Variants in SLC4A8 observed in about 807,000 individuals in gnomAD.
SLC4A8 encodes electroneutral sodium bicarbonate exchanger 1.
A neutral mutation model predicts 125.0 loss-of-function variants in SLC4A8; 40 were observed. That is an observed-to-expected ratio of 0.32 (90% CI 0.25 to 0.42). The LOEUF (loss-of-function observed/expected upper bound fraction) is 0.42, where lower values mean the gene tolerates loss of function less well. Ranked by LOEUF, SLC4A8 falls within the 10% of genes least tolerant of loss-of-function variation. The pLI is 1.00. For missense variants in SLC4A8, 863 were observed against 1,355.1 expected, an observed-to-expected ratio of 0.64 and a Z score of 5.70; for synonymous variants, 456 against 476.0, an observed-to-expected ratio of 0.96 and a Z score of 0.55.
At chr12:51,486,309 A>G (rs74583309) in intron 17 of SLC4A8, among the ~76,000 whole-genome samples, 7,217 of 152,200 alleles carry the variant, frequency 0.047, 277 homozygotes, top group South Asian at 0.1. Flanking sequence ...GAAGAATGAA[A>G]AAGGTAAAGG....
intron 1 of SLC4A8, among the ~76,000 whole-genome samples, chr12:51,431,051 A>C (rs1949170242): frequency 6.6e-6 from 1 of 152,112 alleles, no homozygotes; most frequent in Non-Finnish European, 1.5e-5. Flanking sequence ...GTTCTGGGAG[A>C]GGATCTGTTT....
rs1948930510 is a variant in SLC4A8, at chr12:51,425,281, G to A, written c.48+246G>A. 2.3e-6 allele frequency: 3 copies of A among 1,299,662 alleles called. No individual in the cohort carries two copies. In the African/African-American group the frequency reaches 4.7e-5, roughly 20 times the overall value. The allele number at this position is 1,299,662 out of a possible 1,614,324, so 80.5% of individuals were successfully genotyped here. ...CTCTGCCGCATCCCTTGCGCCGCCC[G>A]CCCAGGAGCCCTGACAGCCGGCGGG... is the stretch of plus-strand genomic sequence containing the variant. On this transcript the variant is annotated intron_variant, in intron 1 of 24. Coordinates refer to ENST00000453097, the MANE Select transcript of SLC4A8 (RefSeq NM_001039960.3).
chr12:51,400,772 A>G (rs1439346226), intron 1 of SLC4A8, among the ~76,000 whole-genome samples: 1,875 of 4,880 alleles, frequency 0.38, 279 homozygotes, highest in Non-Finnish European at 0.43. Flanking sequence ...ATATATATAT[A>G]TATATACATA....
intron 2 of SLC4A8, among the ~76,000 whole-genome samples, chr12:51,446,848 A>G (rs1205484819): frequency 6.6e-6 from 1 of 152,260 alleles, no homozygotes; most frequent in Admixed American, 6.5e-5. Context: ...TTATGGAACA[A>G]TGACCATGTG....
intron 21 of SLC4A8, among the ~76,000 whole-genome samples, chr12:51,495,660 T>C (rs1294736392): frequency 6.6e-6 from 1 of 151,826 alleles, no homozygotes; most frequent in Non-Finnish European, 1.5e-5. Flanking sequence ...TGTATTTTTT[T>C]TAGTAGAGAC....
chr12:51,474,416 C>A lies in SLC4A8; in HGVS notation c.1979C>A (p.Ala660Glu). 1.2e-6 allele frequency: 2 copies of A among 1,613,686 alleles called. No homozygotes were observed. The highest frequency in any genetic ancestry group is 1.7e-6 in the Non-Finnish European group (2 of 1,179,650). The change falls in exon 15 of 25, where the codon GCA (alanine) becomes GAA (glutamate). Residue 660 changes from alanine (A) to glutamate (E), a missense_variant. By Grantham distance (107) the Ala-to-Glu change is moderately radical. Around this residue, in one of 6 missense-constraint regions of SLC4A8, gnomAD observed 76 missense variants for 80.2 expected, o/e 0.95. Transcript: ENST00000453097. ...QYWKDHNIVT[A>E]EVHWANLTVS... ...TGGAAGGACCACAACATCGTGACAG[C>A]AGAAGTCCACTGGGCTAACCTGACT...
intron 1 of SLC4A8, among the ~76,000 whole-genome samples, chr12:51,399,026 G>A (rs1414677549): frequency 1.3e-5 from 2 of 152,190 alleles, no homozygotes; most frequent in African/African-American, 4.8e-5. Flanking sequence ...TGGGATTACA[G>A]GCGTGAGCCA....
chr12:51,500,695 C>CT (rs146022498), intron 22 of SLC4A8, among the ~76,000 whole-genome samples: 10,877 of 150,172 alleles, frequency 0.072, 501 homozygotes, highest in East Asian at 0.21. Flanking sequence ...ATTTTCTTTT[C>CT]TTTTTTTTTG....
intron 16 of SLC4A8, among the ~76,000 whole-genome samples, chr12:51,482,291 AAAT>A (rs1302417303): frequency 6.6e-6 from 1 of 151,918 alleles, no homozygotes; most frequent in Non-Finnish European, 1.5e-5. Context: ...CGATTAAATA[AAAT>A]AATAATTTGA....
intron 1 of SLC4A8, among the ~76,000 whole-genome samples, chr12:51,418,015 A>G (rs1316536676): frequency 6.6e-6 from 1 of 152,226 alleles, no homozygotes; most frequent in Admixed American, 6.5e-5. Flanking sequence ...CTGGAATTAT[A>G]AGGGTGCAAG....
In SLC4A8 at chr12:51,425,035, G is replaced by C; in HGVS notation, c.48G>C (p.Gln16His). ...AGCCGGACGGCGTCCTCAGCTATCA[G>C]GTAGGGCCCCGCCTCCCGCGCCTCC... ...SNEPDGVLSYQRPDEEAVVDQ... is the reference protein window; with the variant it reads ...SNEPDGVLSYHRPDEEAVVDQ... The change falls in exon 1 of 25, where the codon CAG becomes CAC. Residue 16 changes from glutamine (Q) to histidine (H), a missense_variant and splice_region_variant. Gln to His is a conservative substitution (Grantham distance 24, BLOSUM62 0). Coordinates refer to ENST00000453097, the MANE Select transcript of SLC4A8 (RefSeq NM_001039960.3). 6.4e-7 allele frequency: 1 copy of C among 1,555,588 alleles called. No individual in the cohort carries two copies.
In SLC4A8 at chr12:51,419,680, C is replaced by A. The variant is rs149679270; in HGVS notation, c.-111-21028C>A. Among the ~76,000 whole-genome samples the A allele has an allele frequency of 1.9e-3, 296 of 152,266 alleles. 2 individuals carry two copies. The highest frequency in any genetic ancestry group is 6.5e-3 in the African/African-American group (269 of 41,544). Reference sequence around the variant, plus strand: ...TTACAGCCAGCTTTTCTGTTTTGTTCTGCTCCCTCTAGAGGTCCCTTCCCC... The same window carrying A: ...TTACAGCCAGCTTTTCTGTTTTGTTATGCTCCCTCTAGAGGTCCCTTCCCC... On this transcript the variant is annotated intron_variant, in intron 1 of 24. Coordinates refer to the SLC4A8 transcript ENST00000358657.
chr12:51,490,282 G>A (rs750921975), intron 19 of SLC4A8, among the ~76,000 whole-genome samples: 1 of 151,806 alleles, frequency 6.6e-6, no homozygotes, highest in South Asian at 2.1e-4. Flanking sequence ...GAGGCCAGGC[G>A]CGGTGGCTCA....
chr12:51,497,062 C>G lies in SLC4A8; in HGVS notation c.3019C>G (p.Leu1007Val). 6.2e-7 allele frequency: 1 copy of G among 1,613,746 alleles called. No homozygotes were observed. The highest frequency in any genetic ancestry group is 8.5e-7 in the Non-Finnish European group (1 of 1,179,948). The stretch of plus-strand genomic sequence containing the variant: ...GCGAGAGCTGAGCTGGCTAGATGAT[C>G]TCATGCCTGAAAGCAAAAAGAAGAA... ...SKRELSWLDDLMPESKKKKLD... is the reference protein window; with the variant it reads ...SKRELSWLDDVMPESKKKKLD... The change falls in exon 22 of 25, where the codon CTC (leucine) becomes GTC (valine). Residue 1007 changes from leucine (L) to valine (V), a missense_variant. Around this residue, in one of 6 missense-constraint regions of SLC4A8, gnomAD observed 92 missense variants for 125.6 expected, o/e 0.73. Transcript: ENST00000453097.
chr12:51,443,915 A>G (rs1208371094), intron 2 of SLC4A8, among the ~76,000 whole-genome samples: 1 of 152,172 alleles, frequency 6.6e-6, no homozygotes, highest in Non-Finnish European at 1.5e-5. Flanking sequence ...CCTGCTTCAC[A>G]TGATTCATTG....
intron 1 of SLC4A8, among the ~76,000 whole-genome samples, chr12:51,393,053 ACT>A (rs34649668): frequency 2.1e-5 from 3 of 145,626 alleles, no homozygotes; most frequent in Non-Finnish European, 3.0e-5. Flanking sequence ...TTTCTTTCTT[ACT>A]CTCTCTGTCT....
upstream of SLC4A8, among the ~76,000 whole-genome samples, chr12:51,422,551 A>G (rs1948815120): frequency 6.6e-6 from 1 of 151,974 alleles, no homozygotes; most frequent in Non-Finnish European, 1.5e-5. Flanking sequence ...TAGAGATGGA[A>G]TTTCTACATG....
chr12:51,447,774 T>C lies in SLC4A8; in HGVS notation c.131-3102T>C, dbSNP rs566598945. ...CTCTGTCACCCAGGCTGGAGTGCAG[T>C]GGCGCGATCTCTGCTCACTGCAACC... On this transcript the variant is annotated intron_variant, in intron 2 of 24. Transcript: ENST00000453097. Among the ~76,000 whole-genome samples the C allele has an allele frequency of 3.3e-3, 499 of 149,456 alleles. 1 individual carries two copies. Among genetic ancestry groups the C allele is most frequent in the African/African-American group, 0.011 (460 of 40,608 alleles).
chr12:51,408,405 AT>A (rs144145991), intron 1 of SLC4A8, among the ~76,000 whole-genome samples: 67 of 144,766 alleles, frequency 4.6e-4, no homozygotes, highest in Admixed American at 5.5e-4. Context: ...AATTTTTTGT[AT>A]TTTTTTTTTT....
Sources: allele counts gnomAD v4.1 joint callset (sites outside exome capture counted in the v4.1 genomes callset), GRCh38; gene constraint gnomAD v4.1.1; regional missense constraint gnomAD v4.1.1; transcripts MANE v1.5; gene names NCBI Gene and HGNC (gene_info 2026-07-23, HGNC 2026-07-21).